The following GRID2 variants were observed in gnomAD, a reference collection of about 807,000 sequenced individuals.
GRID2 encodes glutamate ionotropic receptor delta type subunit 2.
A neutral mutation model predicts 114.8 loss-of-function variants in GRID2; 33 were observed. The observed-to-expected ratio is 0.29, with a 90% CI of 0.22 to 0.38. The LOEUF is 0.38. Ranked by LOEUF, GRID2 falls within the 10% of genes least tolerant of loss-of-function variation. The pLI is 1.00. For synonymous variants in GRID2, 505 were observed against 449.9 expected (o/e 1.12, Z -1.55); for missense variants, 1,184 against 1,257.7 (o/e 0.94, Z 0.89).
intron 1 of GRID2, among the ~76,000 whole-genome samples, chr4:92,346,254 A>T: frequency 6.6e-6 from 1 of 152,200 alleles, no homozygotes; most frequent in East Asian, 1.9e-4. Context: ...TATCTTGTGT[A>T]GGGACACAAG....
intron 13 of GRID2, among the ~76,000 whole-genome samples, chr4:93,594,749 C>T (rs1738864678): frequency 6.6e-6 from 1 of 152,230 alleles, no homozygotes; most frequent in Admixed American, 6.5e-5. Flanking sequence ...GGGATATAAT[C>T]TCGTGGTGCG....
intron 8 of GRID2, among the ~76,000 whole-genome samples, chr4:93,244,883 A>G (rs895055981): frequency 6.6e-6 from 1 of 151,630 alleles, no homozygotes; most frequent in African/African-American, 2.4e-5. Flanking sequence ...GTTTTCTTAA[A>G]GCACTTTTTG....
rs1156639840 is a variant in GRID2, at chr4:93,250,617, A to G, written c.1245+12127A>G. Among the ~76,000 whole-genome samples the G allele has an allele frequency of 6.1e-5, 9 of 148,260 alleles. No individual in the cohort carries two copies. In the Admixed American group the frequency reaches 6.1e-4, roughly 10 times the overall value. On this transcript the variant is annotated intron_variant, in intron 8 of 15. Coordinates refer to ENST00000282020, the MANE Select transcript of GRID2 (RefSeq NM_001510.4). ...ATATTGTTGCCATTCCAGAGAGCAA[A>G]ACTTTTCTACTGAAATCATTACATA...
intron 8 of GRID2, among the ~76,000 whole-genome samples, chr4:93,289,763 G>A (rs1753542182): frequency 6.6e-6 from 1 of 152,058 alleles, no homozygotes; most frequent in Non-Finnish European, 1.5e-5. Flanking sequence ...GTTAGTGTTG[G>A]TATGTCCGCT....
In GRID2 at chr4:93,796,804, C is replaced by T. The variant is rs150629903; in HGVS notation, c.222-9911C>T. 7.4e-4 allele frequency among the ~76,000 whole-genome samples: 112 copies of T among 152,286 alleles called. 1 individual carries two copies. The East Asian group carries it at 0.014, about 19-fold the overall frequency. ...ACCTCAAGTGATCTACCTGCCTTGG[C>T]CTCCCAGAGTGCTGGGATCAAGTAA... On this transcript the variant is annotated intron_variant, in intron 1 of 1. Coordinates refer to the GRID2 transcript ENST00000637838.
At position 92,990,257 on chromosome 4, in the gene GRID2, GTA is replaced by G. The variant is rs1222824712; in HGVS notation, c.245-94728_245-94727del. Among the ~76,000 whole-genome samples the G allele has an allele frequency of 1.1e-3, 139 of 129,852 alleles. 1 individual carries two copies. Among genetic ancestry groups the G allele is most frequent in the African/African-American group, 3.3e-3 (117 of 35,278 alleles). The allele number at this position is 129,852 out of a possible 152,430, so 85.2% of individuals were successfully genotyped here. On this transcript the variant is annotated intron_variant, in intron 2 of 15. Transcript: ENST00000282020. ...GTGTGTGTGTGTGTGTGTGATATAT[GTA>G]TATATATATGTACGTAGATATGTGT...
At chr4:92,931,978 A>G (rs1381955710) in intron 2 of GRID2, among the ~76,000 whole-genome samples, 1 of 151,220 alleles carries the variant, frequency 6.6e-6, no homozygotes, top group Non-Finnish European at 1.5e-5. Flanking sequence ...TTTGGGATAA[A>G]TCACCAACCT....
At chr4:92,734,528 C>T (rs1736493508) in intron 2 of GRID2, among the ~76,000 whole-genome samples, 1 of 152,072 alleles carries the variant, frequency 6.6e-6, no homozygotes, top group Non-Finnish European at 1.5e-5. Context: ...AAGTGACCCT[C>T]CAGCCACAGG....
At chr4:93,295,169 A>T (rs953899128) in intron 8 of GRID2, among the ~76,000 whole-genome samples, 2 of 152,142 alleles carry the variant, frequency 1.3e-5, no homozygotes, top group Non-Finnish European at 2.9e-5. Flanking sequence ...TAGGGAAGGG[A>T]TCCAGGCTGG....
chr4:93,552,214 A>C (rs1560743889), intron 13 of GRID2, among the ~76,000 whole-genome samples: 1 of 151,808 alleles, frequency 6.6e-6, no homozygotes, highest in African/African-American at 2.4e-5. Flanking sequence ...TGAACTCATC[A>C]TTTTTTATGG....
At chr4:93,004,142 T>C (rs1721273658) in intron 2 of GRID2, among the ~76,000 whole-genome samples, 1 of 151,948 alleles carries the variant, frequency 6.6e-6, no homozygotes, top group Non-Finnish European at 1.5e-5. Context: ...ACATATCACA[T>C]TTTAGGAGAG....
chr4:92,369,554 G>T (rs997664192), intron 1 of GRID2, among the ~76,000 whole-genome samples: 14 of 152,124 alleles, frequency 9.2e-5, no homozygotes, highest in African/African-American at 2.7e-4. Flanking sequence ...ACATGCTTCA[G>T]CTACAGGCCA....
chr4:92,853,967 CA>C (rs1744003182), intron 2 of GRID2, among the ~76,000 whole-genome samples: 1 of 150,616 alleles, frequency 6.6e-6, no homozygotes, highest in Admixed American at 6.6e-5. Context: ...AACAAACCTG[CA>C]CATGTACCCC....
intron 14 of GRID2, among the ~76,000 whole-genome samples, chr4:93,656,674 C>T (rs1405426035): frequency 2.7e-5 from 4 of 147,104 alleles, no homozygotes; most frequent in African/African-American, 9.9e-5. Flanking sequence ...ACTAAAAATA[C>T]AAAAAATTAG....
chr4:93,239,188 CA>C (rs1308700330), intron 8 of GRID2, among the ~76,000 whole-genome samples: 17 of 136,614 alleles, frequency 1.2e-4, no homozygotes, highest in African/African-American at 4.6e-4. Context: ...ATATATATAG[CA>C]AATCCAAATT....
chr4:92,688,037 C>CTTT (rs760605020), intron 2 of GRID2, among the ~76,000 whole-genome samples: 1,154 of 44,624 alleles, frequency 0.026, 6 homozygotes, highest in Non-Finnish European at 0.032. Flanking sequence ...CCTTCTTCTT[C>CTTT]TTTTTTTTTT....
At chr4:93,590,948 A>C (rs1277661768) in intron 13 of GRID2, among the ~76,000 whole-genome samples, 2 of 151,474 alleles carry the variant, frequency 1.3e-5, no homozygotes, top group Non-Finnish European at 2.9e-5. Context: ...GCTTAAGGAG[A>C]TTTTGGGCTG....
At chr4:93,613,140 C>T (rs1348358492) in intron 13 of GRID2, among the ~76,000 whole-genome samples, 4 of 148,564 alleles carry the variant, frequency 2.7e-5, no homozygotes, top group South Asian at 2.2e-4. Context: ...ACGTAGTTCT[C>T]GAGCCTTGGT....
In GRID2 at chr4:93,620,285, C is replaced by A. The variant is rs60438608; in HGVS notation, c.2194-5984C>A. 6.3e-3 allele frequency among the ~76,000 whole-genome samples: 958 copies of A among 152,220 alleles called. 14 individuals carry two copies. The highest frequency in any genetic ancestry group is 0.021 in the African/African-American group (887 of 41,526). On this transcript the variant is annotated intron_variant, in intron 13 of 15. Coordinates refer to ENST00000282020, the MANE Select transcript of GRID2 (RefSeq NM_001510.4). The stretch of plus-strand genomic sequence containing the variant: ...AATGTCACTTTTCCATAATTGTTCC[C>A]ACTGAATGTTTTTTAATAAGAAAGG...
Sources: gnomAD v4.1 joint callset for allele counts (sites outside exome capture counted in the v4.1 genomes callset) on GRCh38, gnomAD v4.1.1 for gene constraint, MANE v1.5 for transcripts, NCBI Gene and HGNC (gene_info 2026-07-23, HGNC 2026-07-21) for gene names.